Variants in PCDHGA11 observed in about 807,000 individuals in gnomAD.
The protein encoded by PCDHGA11 is protocadherin gamma-A11.
PCDHGA11 carries 39 observed loss-of-function variants against 60.4 expected under a neutral mutation model. The observed-to-expected ratio is 0.65, with a 90% CI of 0.50 to 0.84. The LOEUF is 0.84. PCDHGA11 is among the 40% of genes least tolerant of loss of function. PCDHGA11 has a pLI of 0.00. For missense variants in PCDHGA11, 1,165 were observed against 1,197.7 expected, an observed-to-expected ratio of 0.97 and a Z score of 0.40; for synonymous variants, 533 against 510.3, an observed-to-expected ratio of 1.04 and a Z score of -0.60.
At chr5:141,435,058 A>G (rs1161891073) in intron 1 of PCDHGA11, among the ~76,000 whole-genome samples, 3 of 152,234 alleles carry the variant, frequency 2.0e-5, no homozygotes, top group East Asian at 3.9e-4. Flanking sequence ...ACCATGCAGC[A>G]GTTTTGTGTA....
In PCDHGA11 at chr5:141,432,059, A is replaced by G. The variant is rs752124614; in HGVS notation, c.2433+8399A>G. The stretch of plus-strand genomic sequence containing the variant: ...TGACCGGGGAACCCCGCCCCTATCC[A>G]CGGAAACTCATATCTCGCTGAACGT... On this transcript the variant is annotated intron_variant, in intron 1 of 3. Coordinates refer to ENST00000398587, the MANE Select transcript of PCDHGA11 (RefSeq NM_018914.3). The surrounding 1 kb of genome is among the most constrained non-coding windows in gnomAD (Gnocchi z 6.0). 17 of 1,614,052 alleles carry G rather than the reference A, an allele frequency of 1.1e-5. No individual in the cohort carries two copies. The highest frequency in any genetic ancestry group is 1.3e-5 in the African/African-American group (1 of 74,918).
Position 141,462,050 on chromosome 5 carries a change from C to T in PCDHGA11, c.2434-32757C>T, listed in dbSNP as rs146056741. On this transcript the variant is annotated intron_variant, in intron 1 of 3. Coordinates refer to ENST00000398587, the MANE Select transcript of PCDHGA11 (RefSeq NM_018914.3). ...GTTGGTCAGGCGGGTCTTGAACTCC[C>T]GACCTCAGGTGATCTGCCCGCCTTG... is the stretch of plus-strand genomic sequence containing the variant. 5.5e-3 allele frequency among the ~76,000 whole-genome samples: 830 copies of T among 151,978 alleles called. 23 individuals are homozygous for T. The East Asian group carries it at 0.095, about 17-fold the overall frequency.
At chr5:141,441,916 C>T (rs1340767725) in intron 1 of PCDHGA11, 9 of 352,248 alleles carry the variant, frequency 2.6e-5, no homozygotes, top group Non-Finnish European at 4.9e-5. Context: ...AGATGTGAGA[C>T]ACAATGCGTG....
At chr5:141,435,510 T>C (rs72790047) in intron 1 of PCDHGA11, among the ~76,000 whole-genome samples, 9,714 of 152,280 alleles carry the variant, frequency 0.064, 363 homozygotes, top group African/African-American at 0.099. Context: ...ATGATACTAA[T>C]GATGACTTTG....
chr5:141,460,556 T>C (rs762545295), intron 1 of PCDHGA11, among the ~76,000 whole-genome samples: 10 of 152,152 alleles, frequency 6.6e-5, no homozygotes, highest in Admixed American at 3.3e-4. Context: ...CAAAAATCAT[T>C]TGGCCATGGA....
chr5:141,477,845 GT>G lies in PCDHGA11; in HGVS notation c.2434-16961del, dbSNP rs1562065234. ...ATATCCTCGGCCAGGTGGGAGCTCG[GT>G]GGAGATGCTGCCTCGAGGTACCTCA... is the stretch of plus-strand genomic sequence containing the variant. On this transcript the variant is annotated intron_variant, in intron 1 of 3. Coordinates refer to ENST00000398587, the MANE Select transcript of PCDHGA11 (RefSeq NM_018914.3). This position sits in a 1 kb window ranked among gnomAD's most constrained non-coding sequence, Gnocchi z 4.9. 1 of 1,614,038 alleles carries G rather than the reference GT, an allele frequency of 6.2e-7. No homozygotes were observed. Among genetic ancestry groups the G allele is most frequent in the East Asian group, 2.2e-5 (1 of 44,896 alleles).
intron 1 of PCDHGA11, chr5:141,429,169 T>TACAC (rs10667977): frequency 0.077 from 11,199 of 145,388 alleles, 458 homozygotes; most frequent in African/African-American, 0.081. Flanking sequence ...ACATTGTTTA[T>TACAC]ACACACACAC....
rs1272694679 is a variant in PCDHGA11, at chr5:141,486,884, C to T, written c.2434-7923C>T. 7 of 1,614,106 alleles carry T rather than the reference C, an allele frequency of 4.3e-6. No individual in the cohort carries two copies. The highest frequency in any genetic ancestry group is 1.1e-5 in the South Asian group (1 of 91,082). ...TCCAGCTGTGCTCCGTCCTCGGGCC[C>T]GGCCTGGTTCCTTATGTCCCCAAGC... On this transcript the variant is annotated intron_variant, in intron 1 of 3. Coordinates refer to ENST00000398587, the MANE Select transcript of PCDHGA11 (RefSeq NM_018914.3). The surrounding 1 kb of genome is among the most constrained non-coding windows in gnomAD (Gnocchi z 5.0).
rs376937850 is a variant in PCDHGA11 at position 141,491,097 on chromosome 5, C to T, written c.2434-3710C>T. The T allele has an allele frequency of 1.2e-6, 2 of 1,614,170 alleles. No homozygotes were observed. Among genetic ancestry groups the T allele is most frequent in the Non-Finnish European group, 1.7e-6 (2 of 1,180,018 alleles). On this transcript the variant is annotated intron_variant, in intron 1 of 3. Coordinates refer to ENST00000398587, the MANE Select transcript of PCDHGA11 (RefSeq NM_018914.3). The surrounding 1 kb of genome is among the most constrained non-coding windows in gnomAD (Gnocchi z 6.9). ...CACAGTCCACAGCCCCAGGACTGTT[C>T]CTCGTGTCTACACACACTGGTGAGG...
Position 141,491,947 on chromosome 5 carries a change from C to T in PCDHGA11, c.2434-2860C>T. ...GGGGAGGTGGGACCGACCCCCACCCCTACACTCAAAAAAGGCCGGGGCCTC... is the reference window on the plus strand; with the variant it reads ...GGGGAGGTGGGACCGACCCCCACCCTTACACTCAAAAAAGGCCGGGGCCTC... On this transcript the variant is annotated intron_variant, in intron 1 of 3. Coordinates refer to ENST00000398587, the MANE Select transcript of PCDHGA11 (RefSeq NM_018914.3). The surrounding 1 kb of genome is among the most constrained non-coding windows in gnomAD (Gnocchi z 6.9). 1 of 1,114,210 alleles carries T rather than the reference C, an allele frequency of 9.0e-7. No individual in the cohort carries two copies. The highest frequency in any genetic ancestry group is 1.2e-6 in the Non-Finnish European group (1 of 815,758). 69.0% of individuals were successfully genotyped at this position (1,114,210 alleles called of 1,614,324 possible). A position where few individuals can be genotyped will look rare whatever the true frequency, so the allele number is the denominator to read the frequency against.
intron 1 of PCDHGA11, among the ~76,000 whole-genome samples, chr5:141,438,579 CATACATACATACAT>C (rs1434774868): frequency 9.0e-5 from 5 of 55,782 alleles, no homozygotes; most frequent in Admixed American, 2.8e-4. Context: ...GATATACATA[CATACATACATACAT>C]ATATATATAT....
rs368153419 is a variant in PCDHGA11 at position 141,476,458 on chromosome 5, C to T, written c.2434-18349C>T. 1 of 1,614,044 alleles carries T rather than the reference C, an allele frequency of 6.2e-7. No homozygotes were observed. Among genetic ancestry groups the T allele is most frequent in the Non-Finnish European group, 8.5e-7 (1 of 1,180,014 alleles). On this transcript the variant is annotated intron_variant, in intron 1 of 3. Coordinates refer to ENST00000398587, the MANE Select transcript of PCDHGA11 (RefSeq NM_018914.3). The surrounding 1 kb of genome is among the most constrained non-coding windows in gnomAD (Gnocchi z 7.6). ...TAACTCTGGAGTTGGTAGTGGAGAA[C>T]CCGCTGGAGCTGTTCAGCGTGGAAG...
chr5:141,476,831 G>C lies in PCDHGA11; in HGVS notation c.2434-17976G>C, dbSNP rs779348525. ...TCACATCAAGGTGCTGGACGCGAAT[G>C]ACAATGCGCCTGTCTTCAACCAGTC... On this transcript the variant is annotated intron_variant, in intron 1 of 3. Transcript: ENST00000398587. This position sits in a 1 kb window ranked among gnomAD's most constrained non-coding sequence, Gnocchi z 7.6. 1 of 1,613,504 alleles carries C rather than the reference G, an allele frequency of 6.2e-7. No homozygotes were observed. Among genetic ancestry groups the C allele is most frequent in the Non-Finnish European group, 8.5e-7 (1 of 1,180,050 alleles).
At chr5:141,464,008 G>A (rs1484928987) in intron 1 of PCDHGA11, among the ~76,000 whole-genome samples, 6 of 151,674 alleles carry the variant, frequency 4.0e-5, no homozygotes, top group Non-Finnish European at 7.4e-5. Flanking sequence ...GCTCATGCTT[G>A]TAATCCCACA....
chr5:141,427,361 A>ACC (rs781206288), intron 1 of PCDHGA11: 1 of 457,772 alleles, frequency 2.2e-6, no homozygotes, highest in South Asian at 1.5e-5. Context: ...AGGACGCAGA[A>ACC]CCCTGGACGG....
chr5:141,485,242 C>A lies in PCDHGA11; in HGVS notation c.2434-9565C>A, dbSNP rs747029550. ...CTACCCTTTTGTTCCTCTTTTACCA[C>A]CTGGGTTACGTTTGTGGGCAGATCC... On this transcript the variant is annotated intron_variant, in intron 1 of 3. Transcript: ENST00000398587. This position sits in a 1 kb window ranked among gnomAD's most constrained non-coding sequence, Gnocchi z 5.7. 7.4e-5 allele frequency: 119 copies of A among 1,614,054 alleles called. No individual in the cohort carries two copies. The highest frequency in any genetic ancestry group is 3.3e-4 in the Middle Eastern group (2 of 6,084).
At chr5:141,460,456 T>C (rs2098989632) in intron 1 of PCDHGA11, among the ~76,000 whole-genome samples, 1 of 152,124 alleles carries the variant, frequency 6.6e-6, no homozygotes, top group South Asian at 2.1e-4. Flanking sequence ...AAGATTCATA[T>C]TTTTTTCCAA....
rs551129846 is a variant in PCDHGA11, at chr5:141,432,711, A to T, written c.2433+9051A>T. 5 of 1,613,944 alleles carry T rather than the reference A, an allele frequency of 3.1e-6. No individual in the cohort carries two copies. The Admixed American group carries it at 8.3e-5, about 27-fold the overall frequency. ...GTAGTGGCCGTCCAGGACCACGGCCAGCCCCCTCTCTCCGCCACTGTCACG... is the reference window on the plus strand; with the variant it reads ...GTAGTGGCCGTCCAGGACCACGGCCTGCCCCCTCTCTCCGCCACTGTCACG... On this transcript the variant is annotated intron_variant, in intron 1 of 3. Transcript: ENST00000398587. This position sits in a 1 kb window ranked among gnomAD's most constrained non-coding sequence, Gnocchi z 6.0.
In PCDHGA11 at chr5:141,485,076, G is replaced by A; in HGVS notation, c.2434-9731G>A. 2.1e-6 allele frequency: 2 copies of A among 944,586 alleles called. No homozygotes were observed. Among genetic ancestry groups the A allele is most frequent in the East Asian group, 2.4e-5 (1 of 41,508 alleles). The allele number at this position is 944,586 out of a possible 1,614,324, so 58.5% of individuals were successfully genotyped here. ...CCGAACCGCGCCAGAGCTGGCGCGG[G>A]GAAAGGGAGATAGGTGTCTCCAGCT... On this transcript the variant is annotated intron_variant, in intron 1 of 3. Coordinates refer to ENST00000398587, the MANE Select transcript of PCDHGA11 (RefSeq NM_018914.3). This position sits in a 1 kb window ranked among gnomAD's most constrained non-coding sequence, Gnocchi z 5.7.
Sources: allele counts gnomAD v4.1 joint callset (sites outside exome capture counted in the v4.1 genomes callset), GRCh38; gene constraint gnomAD v4.1.1; non-coding constraint Gnocchi (gnomAD v3.1); transcripts MANE v1.5; gene names NCBI Gene and HGNC (gene_info 2026-07-23, HGNC 2026-07-21).